TMEM92: variants seen among roughly 807,000 people sequenced by gnomAD.
TMEM92 encodes transmembrane protein 92.
Under a neutral mutation model 14.6 loss-of-function variants are expected in TMEM92, and 15 were observed. That is an observed-to-expected ratio of 1.03 (90% CI 0.69 to 1.58). The LOEUF (loss-of-function observed/expected upper bound fraction) is 1.58, where lower values mean the gene tolerates loss of function less well. Ranked by LOEUF, TMEM92 falls within the 40% of genes most tolerant of loss-of-function variation. The probability of loss-of-function intolerance (pLI) is 0.00; values close to 1 mark genes in which losing one functional copy is unlikely to be tolerated. For synonymous variants in TMEM92, 85 were observed against 83.3 expected (o/e 1.02, Z -0.11); for missense variants, 174 against 202.4 (o/e 0.86, Z 0.85).
At chr17:50,274,335 GCCTCCCTT>G (rs1315626578), upstream of TMEM92, 14 of 658,550 alleles carry the variant, frequency 2.1e-5, no homozygotes, top group East Asian at 2.8e-4. Context: ...AGACCTCTGC[GCCTCCCTT>G]CCTCCCTTCC....
intron 1 of TMEM92, chr17:50,275,086 G>C: frequency 6.5e-6 from 1 of 153,000 alleles, no homozygotes; most frequent in South Asian, 2.0e-4. Context: ...CTGGCTGCCT[G>C]ACCAAGGCTG....
intron 1 of TMEM92, among the ~76,000 whole-genome samples, chr17:50,276,247 A>G (rs1474000200): frequency 2.0e-5 from 3 of 152,126 alleles, no homozygotes; most frequent in Non-Finnish European, 4.4e-5. Context: ...CTCCCAAGGT[A>G]TTTAGGATTA....
chr17:50,273,626 G>A (rs1373235226), upstream of TMEM92, among the ~76,000 whole-genome samples: 1 of 152,208 alleles, frequency 6.6e-6, no homozygotes, highest in Non-Finnish European at 1.5e-5. Flanking sequence ...TTGTGCTCCT[G>A]GTCTTCCTTC....
rs1853396626 is a variant in TMEM92, at chr17:50,280,908, CA to C, written c.*1601del. 6.6e-6 allele frequency: 1 copy of C among 152,320 alleles called. No homozygotes were observed. The highest frequency in any genetic ancestry group is 2.1e-4 in the South Asian group (1 of 4,826). The allele number at this position is 152,320 out of a possible 1,614,324, so 9.4% of individuals were successfully genotyped here. On this transcript the variant is annotated 3_prime_UTR_variant, in exon 5 of 5. Coordinates refer to ENST00000507382, the MANE Select transcript of TMEM92 (RefSeq NM_153229.3). ...TTTCCCTTTACTTTCAGGGATTGGT[CA>C]GGGGTGGCAGAAAACATGTGGGTTC...
At chr17:50,272,074 G>C (rs934592047), upstream of TMEM92, among the ~76,000 whole-genome samples, 2 of 151,976 alleles carry the variant, frequency 1.3e-5, no homozygotes, top group African/African-American at 2.4e-5. Flanking sequence ...ATTATTCATC[G>C]TTTATCTGAA....
upstream of TMEM92, among the ~76,000 whole-genome samples, chr17:50,274,165 GA>G (rs1296102649): frequency 9.9e-6 from 1 of 100,882 alleles, no homozygotes; most frequent in African/African-American, 4.3e-5. Flanking sequence ...TTCTAGTGGA[GA>G]CGGGGGGTCT....
rs140560292 is a variant in TMEM92 at position 50,275,377 on chromosome 17, C to A, written c.69+807C>A. 1.1e-3 allele frequency among the ~76,000 whole-genome samples: 160 copies of A among 152,216 alleles called. No homozygotes were observed. The East Asian group carries it at 0.029, about 28-fold the overall frequency. ...AGCTTTCAGAGAGGCTCTGCCAAAA[C>A]CCTTCCGTGGACCCGGGTTAGTGAG... is the stretch of plus-strand genomic sequence containing the variant. On this transcript the variant is annotated intron_variant, in intron 1 of 4. Transcript: ENST00000507382.
Position 50,280,893 on chromosome 17 carries a change from C to G in TMEM92, c.*1585C>G, listed in dbSNP as rs1910598347. 6.6e-6 allele frequency: 1 copy of G among 152,392 alleles called. No homozygotes were observed. Among genetic ancestry groups the G allele is most frequent in the Admixed American group, 6.5e-5 (1 of 15,286 alleles). The allele number at this position is 152,392 out of a possible 1,614,324, so 9.4% of individuals were successfully genotyped here. A position where few individuals can be genotyped will look rare whatever the true frequency, so the allele number is the denominator to read the frequency against. Reference sequence around the variant, plus strand: ...AAGCGTAAGTGGAAGTTTCCCTTTACTTTCAGGGATTGGTCAGGGGTGGCA... The same window carrying G: ...AAGCGTAAGTGGAAGTTTCCCTTTAGTTTCAGGGATTGGTCAGGGGTGGCA... On this transcript the variant is annotated 3_prime_UTR_variant, in exon 5 of 5. Transcript: ENST00000507382.
At chr17:50,277,633 C>G in intron 1 of TMEM92, 82 bp from the exon 2 acceptor site, 3 of 1,542,440 alleles carry the variant, frequency 1.9e-6, no homozygotes, top group South Asian at 2.2e-5. Flanking sequence ...TGTGAGGTAC[C>G]TGGGCAGCAT....
chr17:50,276,131 CAAAAAGAAAA>C (rs988281516), intron 1 of TMEM92, among the ~76,000 whole-genome samples: 6 of 150,560 alleles, frequency 4.0e-5, no homozygotes, highest in African/African-American at 9.8e-5. Flanking sequence ...ACTCCATCTC[CAAAAAGAAAA>C]AAAAAGAAAA....
intron 1 of TMEM92, among the ~76,000 whole-genome samples, chr17:50,275,577 A>G (rs1305551833): frequency 1.3e-5 from 2 of 152,192 alleles, no homozygotes; most frequent in Non-Finnish European, 2.9e-5. Flanking sequence ...CTGACGCTCC[A>G]TAAAACTCAG....
intron 1 of TMEM92, 123 bp downstream of exon 1, chr17:50,274,693 C>T: frequency 1.2e-6 from 1 of 858,076 alleles, no homozygotes. Context: ...ACACAGTTAG[C>T]TACTTCCTTT....
rs1197518490 is a variant in TMEM92 at position 50,278,981 on chromosome 17, A to AC, written c.357dup (p.Tyr120LeufsTer3). The AC allele has an allele frequency of 4.4e-6, 7 of 1,596,820 alleles. No individual in the cohort carries two copies. Among genetic ancestry groups the AC allele is most frequent in the Non-Finnish European group, 5.1e-6 (6 of 1,169,314 alleles). On this transcript the variant is annotated frameshift_variant, in exon 4 of 5. Transcript: ENST00000507382. LOFTEE classifies it low-confidence loss of function (END_TRUNC). ...TCAGAGTATCCCTTTCTGCGCCCCCACCCCCCTACAGTGAGGTGGGTGTCT... is the reference window on the plus strand; with the variant it reads ...TCAGAGTATCCCTTTCTGCGCCCCCACCCCCCCTACAGTGAGGTGGGTGTCT...
At chr17:50,278,506 A>G in intron 2 of TMEM92, 50 bp from the exon 3 acceptor site, 1 of 1,606,476 alleles carries the variant, frequency 6.2e-7, no homozygotes, top group Non-Finnish European at 8.5e-7. Context: ...CTGCCTCTCC[A>G]TTCTGGTGCC....
intron 1 of TMEM92, chr17:50,274,865 A>T: frequency 2.2e-6 from 1 of 445,314 alleles, no homozygotes; most frequent in South Asian, 2.8e-5. Flanking sequence ...TGGACCCCTT[A>T]TTAGCCTCAG....
chr17:50,272,800 AC>A (rs1910291051), upstream of TMEM92, among the ~76,000 whole-genome samples: 1 of 152,084 alleles, frequency 6.6e-6, no homozygotes, highest in Non-Finnish European at 1.5e-5. Context: ...AGGAGAAGGG[AC>A]CAGAGAAACC....
rs1910555362 is a variant in TMEM92, at chr17:50,279,697, T to C, written c.*389T>C. ...GGGCACTTCTATACCTGTGGGACAT[T>C]GGACTGGATGAGCCCTGAGCCAGCT... On this transcript the variant is annotated 3_prime_UTR_variant, in exon 5 of 5. Coordinates refer to ENST00000507382, the MANE Select transcript of TMEM92 (RefSeq NM_153229.3). 1 of 272,120 alleles carries C rather than the reference T, an allele frequency of 3.7e-6. No homozygotes were observed. The highest frequency in any genetic ancestry group is 2.4e-5 in the African/African-American group (1 of 42,370). The allele number at this position is 272,120 out of a possible 1,614,324, so 16.9% of individuals were successfully genotyped here.
intron 1 of TMEM92, among the ~76,000 whole-genome samples, chr17:50,275,434 A>G (rs182168396): frequency 1.9e-4 from 29 of 152,200 alleles, no homozygotes; most frequent in African/African-American, 7.0e-4. Flanking sequence ...CTGGGCGGTC[A>G]GTTTGTGTCA....
chr17:50,273,105 G>A (rs1208473350), upstream of TMEM92, among the ~76,000 whole-genome samples: 1 of 152,168 alleles, frequency 6.6e-6, no homozygotes, highest in East Asian at 1.9e-4. Context: ...AAGACAGATT[G>A]GCGACACAGC....
Sources: gnomAD v4.1 joint callset for allele counts (sites outside exome capture counted in the v4.1 genomes callset) on GRCh38, gnomAD v4.1.1 for gene constraint, MANE v1.5 for transcripts, NCBI Gene and HGNC (gene_info 2026-07-23, HGNC 2026-07-21) for gene names.